The following ZBBX variants were observed in gnomAD, a reference collection of about 807,000 sequenced individuals.
ZBBX encodes zinc finger B-box domain containing.
A neutral mutation model predicts 108.5 loss-of-function variants in ZBBX; 101 were observed. That is an observed-to-expected ratio of 0.93 (90% CI 0.79 to 1.10). The LOEUF is 1.10. ZBBX is among the 50% of genes least tolerant of loss of function. The pLI, the probability that ZBBX is intolerant of heterozygous loss-of-function variation, is 0.00. For missense variants in ZBBX, 1,009 were observed against 941.4 expected, an observed-to-expected ratio of 1.07 and a Z score of -0.94; for synonymous variants, 356 against 323.4, an observed-to-expected ratio of 1.10 and a Z score of -1.08.
chr3:167,286,346 T>A (rs1729697146), intron 19 of ZBBX, among the ~76,000 whole-genome samples: 1 of 152,096 alleles, frequency 6.6e-6, no homozygotes, highest in South Asian at 2.1e-4. Flanking sequence ...TTTTCTACTT[T>A]CTATAGGGAT....
At chr3:167,389,478 C>A (rs577672453) in intron 1 of ZBBX, among the ~76,000 whole-genome samples, 1 of 152,088 alleles carries the variant, frequency 6.6e-6, no homozygotes, top group South Asian at 2.1e-4. Flanking sequence ...ATTTATAATC[C>A]TTTGGGTATA....
At chr3:167,198,072 A>T in the ZBBX span, among the ~76,000 whole-genome samples, 1 of 152,168 alleles carries the variant, frequency 6.6e-6, no homozygotes, top group African/African-American at 2.4e-5. Flanking sequence ...CATTTGTAGG[A>T]TCTCTTTTAG....
intron 2 of ZBBX, among the ~76,000 whole-genome samples, chr3:167,378,144 C>A (rs1053005210): frequency 6.6e-6 from 1 of 152,160 alleles, no homozygotes; most frequent in Non-Finnish European, 1.5e-5. Context: ...TTGTAAATAA[C>A]CCAGTCTTGG....
chr3:167,329,059 AT>A (rs1212973017), intron 10 of ZBBX, among the ~76,000 whole-genome samples: 1 of 152,214 alleles, frequency 6.6e-6, no homozygotes, highest in East Asian at 1.9e-4. Flanking sequence ...AGTGGAATGA[AT>A]GAAGAAGTTC....
chr3:167,245,395 A>T (rs1183732979), intron 20 of ZBBX, among the ~76,000 whole-genome samples: 1 of 152,128 alleles, frequency 6.6e-6, no homozygotes, highest in Admixed American at 6.6e-5. Flanking sequence ...CTTAATTTTT[A>T]TTCTTTCCAT....
At chr3:167,248,522 G>C (rs1258088275) in intron 20 of ZBBX, 1 of 402,866 alleles carries the variant, frequency 2.5e-6, no homozygotes, top group Non-Finnish European at 5.1e-6. Flanking sequence ...AGTTAACAGA[G>C]TAATGGCCCC....
At chr3:167,338,027 AC>A (rs1739870463) in intron 9 of ZBBX, among the ~76,000 whole-genome samples, 1 of 152,160 alleles carries the variant, frequency 6.6e-6, no homozygotes, top group Admixed American at 6.6e-5. Flanking sequence ...CAACTGCTCT[AC>A]ATGCTAAAAA....
At chr3:167,376,081 G>C (rs1317556097) in intron 2 of ZBBX, among the ~76,000 whole-genome samples, 2 of 152,102 alleles carry the variant, frequency 1.3e-5, no homozygotes, top group Non-Finnish European at 2.9e-5. Flanking sequence ...TCTACAGCAG[G>C]CGTCTCACTC....
upstream of ZBBX, among the ~76,000 whole-genome samples, chr3:167,384,623 G>C (rs1041711870): frequency 6.6e-6 from 1 of 152,018 alleles, no homozygotes; most frequent in Non-Finnish European, 1.5e-5. Context: ...TGAAGGAAAA[G>C]TTTAAATTGT....
chr3:167,196,100 C>T, the ZBBX span, among the ~76,000 whole-genome samples: 1,517 of 152,232 alleles, frequency 1.0e-2, 27 homozygotes, highest in African/African-American at 0.034. Context: ...ACTGAATACT[C>T]TAATGATGAG....
intron 20 of ZBBX, among the ~76,000 whole-genome samples, chr3:167,267,736 G>A (rs2108454098): frequency 6.6e-6 from 1 of 152,260 alleles, no homozygotes; most frequent in African/African-American, 2.4e-5. Context: ...GTTAGAGACA[G>A]GGACCTGTTC....
intron 1 of ZBBX, among the ~76,000 whole-genome samples, chr3:167,385,709 C>T (rs374945568): frequency 3.3e-5 from 5 of 151,780 alleles, no homozygotes; most frequent in Admixed American, 6.6e-5. Flanking sequence ...AACTAAGACA[C>T]AAACACATGT....
chr3:167,246,630 T>C (rs1047388775), intron 20 of ZBBX, among the ~76,000 whole-genome samples: 2 of 152,228 alleles, frequency 1.3e-5, no homozygotes, highest in African/African-American at 2.4e-5. Context: ...ACAAATCAGA[T>C]TGAGTTTGAA....
chr3:167,252,336 A>G, intron 20 of ZBBX: 2 of 523,410 alleles, frequency 3.8e-6, no homozygotes, highest in Non-Finnish European at 3.1e-6. Context: ...CTGAGAGCAA[A>G]CCTCATGAAG....
chr3:167,387,149 G>A (rs749714989), intron 1 of ZBBX, among the ~76,000 whole-genome samples: 82 of 152,074 alleles, frequency 5.4e-4, no homozygotes, highest in Middle Eastern at 6.8e-3. Context: ...CACCTAACAT[G>A]GCTAGCTTTG....
At chr3:167,227,211 T>C in the ZBBX span, among the ~76,000 whole-genome samples, 3 of 151,916 alleles carry the variant, frequency 2.0e-5, no homozygotes, top group East Asian at 5.8e-4. Context: ...TCTAGTACAA[T>C]GTAGGTGCTA....
chr3:167,227,206 T>C, the ZBBX span, among the ~76,000 whole-genome samples: 3 of 151,798 alleles, frequency 2.0e-5, no homozygotes, highest in Admixed American at 6.6e-5. Flanking sequence ...CAGAGTCTAG[T>C]ACAATGTAGG....
At chr3:167,380,311 G>C (rs557950822), upstream of ZBBX, 3 of 152,368 alleles carry the variant, frequency 2.0e-5, no homozygotes, top group African/African-American at 7.2e-5. Flanking sequence ...GGGAGTTTCC[G>C]TCTTGGTCTC....
intron 16 of ZBBX, among the ~76,000 whole-genome samples, chr3:167,308,477 T>C (rs1157127099): frequency 6.6e-6 from 1 of 152,124 alleles, no homozygotes; most frequent in African/African-American, 2.4e-5. Flanking sequence ...CAAAGGAATA[T>C]AAATCATTCT....
Sources: allele counts gnomAD v4.1 joint callset (sites outside exome capture counted in the v4.1 genomes callset), GRCh38; gene constraint gnomAD v4.1.1; transcripts MANE v1.5; gene names NCBI Gene and HGNC (gene_info 2026-07-23, HGNC 2026-07-21).